TLL2: variants seen among roughly 807,000 people sequenced by gnomAD.
The protein encoded by TLL2 is tolloid like 2, also known as tolloid-like protein 2.
Under a neutral mutation model 123.0 loss-of-function variants are expected in TLL2, and 106 were observed. That is an observed-to-expected ratio of 0.86 (90% CI 0.74 to 1.01). The LOEUF (loss-of-function observed/expected upper bound fraction) is 1.01. Ranked by LOEUF, TLL2 falls within the 50% of genes least tolerant of loss-of-function variation. The pLI, the probability that TLL2 is intolerant of heterozygous loss-of-function variation, is 0.00. For synonymous variants in TLL2, 494 were observed against 516.8 expected (o/e 0.96, Z 0.60); for missense variants, 1,332 against 1,336.7 (o/e 1.00, Z 0.06).
rs1303769035 is a variant in TLL2 at position 96,373,761 on chromosome 10, G to T, written c.2497C>A (p.His833Asn). 1 of 1,614,222 alleles carries T rather than the reference G, an allele frequency of 6.2e-7. No individual in the cohort carries two copies. The highest frequency in any genetic ancestry group is 1.7e-5 in the Admixed American group (1 of 60,034). ...IEQHQECAYD[H>N]LEMYDGPDSL... ...TCCGGCCCGTCATACATTTCCAGGT[G>T]GTCATAGGCACATTCCTGGTGCTGC... Residue 833 changes from histidine to asparagine, a missense_variant, in exon 19 of 21, where the codon CAC (histidine) becomes AAC (asparagine). By Grantham distance (68) the His-to-Asn change is moderately conservative (BLOSUM62 1). Transcript: ENST00000357947.
chr10:96,395,191 GA>G lies in TLL2; in HGVS notation c.1721del (p.Phe574SerfsTer20). 5 of 1,602,204 alleles carry G rather than the reference GA, an allele frequency of 3.1e-6. No homozygotes were observed. Among genetic ancestry groups the G allele is most frequent in the South Asian group, 1.1e-5 (1 of 88,684 alleles). On this transcript the variant is annotated frameshift_variant, in exon 13 of 21. Coordinates refer to ENST00000357947, the MANE Select transcript of TLL2 (RefSeq NM_012465.4). LOFTEE classifies it high-confidence loss of function. ...INKAGFAANF[F>X]KEVDECSWPD... ...AAACAAACTGCTAATTCATACCCTT[GA>G]AAAAATTGGCTGCAAAGCCCGCTTT...
Position 96,405,239 on chromosome 10 carries a change from G to T in TLL2, c.1260C>A (p.Pro420=), listed in dbSNP as rs148869698. 3.1e-6 allele frequency: 5 copies of T among 1,613,942 alleles called. No homozygotes were observed. The highest frequency in any genetic ancestry group is 2.2e-5 in the South Asian group (2 of 91,078). ...TGTCTAAAGTCAACTTACCCAAAAG[G>T]GGGGCTTTTCTCCAGTAACCATCCC... ...EVRDGYWRKA[P]LLGRFCGDKI... is the part of the protein sequence containing the mutation. The change falls in exon 10 of 21, where the codon CCC becomes CCA. Residue 420 remains proline, a synonymous_variant. Transcript: ENST00000357947.
At chr10:96,415,981 C>T (rs1333098991) in intron 7 of TLL2, among the ~76,000 whole-genome samples, 1 of 151,480 alleles carries the variant, frequency 6.6e-6, no homozygotes, top group African/African-American at 2.4e-5. Flanking sequence ...CTGTACCCAA[C>T]ATGTAACCCT....
At chr10:96,397,374 A>C in intron 10 of TLL2, 72 bp from the exon 11 acceptor site, 19 of 1,230,670 alleles carry the variant, frequency 1.5e-5, no homozygotes, top group Non-Finnish European at 2.2e-5. Context: ...GGCTAGGAGG[A>C]AGCTGAGGTT....
At chr10:96,502,221 T>C (rs553175081) in intron 1 of TLL2, among the ~76,000 whole-genome samples, 169 of 152,180 alleles carry the variant, frequency 1.1e-3, no homozygotes, top group Non-Finnish European at 1.9e-3. Flanking sequence ...GGCTGAGTCA[T>C]AGGGACAAGC....
intron 1 of TLL2, among the ~76,000 whole-genome samples, chr10:96,484,659 T>C (rs1240223996): frequency 1.3e-5 from 2 of 151,920 alleles, no homozygotes; most frequent in Admixed American, 6.6e-5. Context: ...CTTCAATAGA[T>C]ATAATCTTTC....
Position 96,506,269 on chromosome 10 carries a change from A to AAAG in TLL2, c.175+7241_175+7242insCTT, listed in dbSNP as rs1471665909. On this transcript the variant is annotated intron_variant, in intron 1 of 20. Coordinates refer to ENST00000357947, the MANE Select transcript of TLL2 (RefSeq NM_012465.4). ...CCCATCTCAAAAAAAAAAAAAAGAA[A>AAAG]AAAAAAAAAGAAAAAAGGAAAGTGA... Among the ~76,000 whole-genome samples, 7 of 144,672 alleles carry AAAG rather than the reference A, an allele frequency of 4.8e-5. 1 individual carries two copies. In the East Asian group the frequency reaches 5.8e-4, roughly 12 times the overall value. The allele number at this position is 144,672 out of a possible 152,430, so 94.9% of individuals were successfully genotyped here. A position where few individuals can be genotyped will look rare whatever the true frequency, so the allele number is the denominator to read the frequency against.
chr10:96,388,008 T>C (rs1362150320), intron 13 of TLL2, among the ~76,000 whole-genome samples: 1 of 152,112 alleles, frequency 6.6e-6, no homozygotes, highest in Non-Finnish European at 1.5e-5. Context: ...CACTGAGACA[T>C]CTTTTTCAAA....
intron 3 of TLL2, among the ~76,000 whole-genome samples, chr10:96,441,436 T>C (rs1293292693): frequency 2.6e-5 from 4 of 152,182 alleles, no homozygotes; most frequent in Non-Finnish European, 5.9e-5. Context: ...AATTCTGGTG[T>C]CTGCCTCCCT....
Position 96,430,246 on chromosome 10 carries a change from T to C in TLL2, c.521-1498A>G, listed in dbSNP as rs115957441. 7.4e-3 allele frequency among the ~76,000 whole-genome samples: 1,133 copies of C among 152,300 alleles called. 13 individuals carry two copies. The highest frequency in any genetic ancestry group is 0.026 in the African/African-American group (1,070 of 41,566). On this transcript the variant is annotated intron_variant, in intron 4 of 20. Coordinates refer to ENST00000357947, the MANE Select transcript of TLL2 (RefSeq NM_012465.4). ...TGAATGAGCTCTCGCTCTGAGTTCA[T>C]GAGAGATTTGGTTGTTTAAAAGTGT...
At chr10:96,463,615 C>T (rs1564912283) in intron 2 of TLL2, among the ~76,000 whole-genome samples, 1 of 152,170 alleles carries the variant, frequency 6.6e-6, no homozygotes, top group Non-Finnish European at 1.5e-5. Flanking sequence ...TTGCCAGGCT[C>T]CCAGGCAGGG....
chr10:96,476,189 G>A (rs1285697484), intron 2 of TLL2, among the ~76,000 whole-genome samples: 6 of 136,396 alleles, frequency 4.4e-5, no homozygotes, highest in Non-Finnish European at 9.4e-5. Flanking sequence ...TAGGAAAAGA[G>A]GATAAAGGTG....
In TLL2 at chr10:96,368,130, G is replaced by C. The variant is rs550588421; in HGVS notation, c.3006C>G (p.Tyr1002Ter). 1 of 1,614,248 alleles carries C rather than the reference G, an allele frequency of 6.2e-7. No individual in the cohort carries two copies. ...GGGCATCCTGGAACTTGGTGCTGGT[G>C]TATCGGGCATGAAAGCCTTTCTTGT... ...TINKKGFHAR[Y>*]TSTKFQDALH... The change falls in exon 21 of 21, where the codon TAC becomes TAG. Residue 1002 changes from tyrosine (Y) to a stop codon, truncating the protein, a stop_gained. Transcript: ENST00000357947. LOFTEE classifies it high-confidence loss of function.
chr10:96,377,185 T>C (rs925854121), intron 17 of TLL2, among the ~76,000 whole-genome samples: 1 of 152,248 alleles, frequency 6.6e-6, no homozygotes, highest in Non-Finnish European at 1.5e-5. Flanking sequence ...AGCTTCGGTG[T>C]CCTTATTTGT....
At chr10:96,410,659 G>A in intron 8 of TLL2, 185 bp from the exon 9 acceptor site, 1 of 677,926 alleles carries the variant, frequency 1.5e-6, no homozygotes, top group Non-Finnish European at 2.7e-6. Flanking sequence ...GGACCTAGGA[G>A]TCAAAAAGGA....
At chr10:96,396,748 T>C (rs76883427) in intron 11 of TLL2, among the ~76,000 whole-genome samples, 2,202 of 152,238 alleles carry the variant, frequency 0.014, 23 homozygotes, top group Non-Finnish European at 0.019. Context: ...GAGGCCCTTC[T>C]AAGAAACGCA....
chr10:96,446,503 TC>T (rs11358105), intron 2 of TLL2, among the ~76,000 whole-genome samples: 51,113 of 151,856 alleles, frequency 0.34, 9,019 homozygotes, highest in East Asian at 0.64. Flanking sequence ...GCCCCCCACC[TC>T]CATAAGAAAG....
At chr10:96,438,513 T>C (rs1846819719) in intron 3 of TLL2, among the ~76,000 whole-genome samples, 1 of 152,230 alleles carries the variant, frequency 6.6e-6, no homozygotes, top group Non-Finnish European at 1.5e-5. Context: ...GTTGAACTCA[T>C]TGATTGGTTC....
At chr10:96,500,799 A>C (rs1589437780) in intron 1 of TLL2, among the ~76,000 whole-genome samples, 1 of 103,422 alleles carries the variant, frequency 9.7e-6, no homozygotes, top group Non-Finnish European at 1.9e-5. Context: ...GAAGGGAGGG[A>C]GGGACGGAGG....
Sources: allele counts gnomAD v4.1 joint callset (sites outside exome capture counted in the v4.1 genomes callset), GRCh38; gene constraint gnomAD v4.1.1; transcripts MANE v1.5; gene names NCBI Gene and HGNC (gene_info 2026-07-23, HGNC 2026-07-21).